The following DIRAS2 variants were observed in gnomAD, a reference collection of about 807,000 sequenced individuals.
DIRAS2 encodes the protein DIRAS family GTPase 2, also known as GTP-binding protein Di-Ras2.
Under a neutral mutation model 13.9 loss-of-function variants are expected in DIRAS2, and 5 were observed. The ratio of observed to expected loss-of-function variants is 0.36; its 90% CI spans 0.19 to 0.76. DIRAS2 has a LOEUF of 0.76. Ranked by LOEUF, DIRAS2 falls within the 30% of genes least tolerant of loss-of-function variation. DIRAS2 has a pLI of 0.53. For synonymous variants in DIRAS2, 111 were observed against 105.4 expected (o/e 1.05, Z -0.33); for missense variants, 191 against 263.0 (o/e 0.73, Z 1.89).
intron 1 of DIRAS2, among the ~76,000 whole-genome samples, chr9:90,627,797 T>G (rs543987513): frequency 6.6e-6 from 1 of 152,266 alleles, no homozygotes; most frequent in Admixed American, 6.5e-5. Flanking sequence ...TAATTGGCAG[T>G]GTTAGCTAGG....
rs77065231 is a variant in DIRAS2, at chr9:90,638,381, A to G, written c.-37+4371T>C. Among the ~76,000 whole-genome samples, 1,144 of 152,344 alleles carry G rather than the reference A, an allele frequency of 7.5e-3. 10 individuals are homozygous for G. The highest frequency in any genetic ancestry group is 0.027 in the South Asian group (128 of 4,830). ...TTTTCAAAATCTAGGTTACCCAGCC[A>G]TTTCTATTATCCAGTAGTTCTATCT... On this transcript the variant is annotated intron_variant, in intron 1 of 1. Coordinates refer to ENST00000375765, the MANE Select transcript of DIRAS2 (RefSeq NM_017594.5).
At position 90,632,705 on chromosome 9, in the gene DIRAS2, A is replaced by G. The variant is rs146931456; in HGVS notation, c.-37+10047T>C. Among the ~76,000 whole-genome samples, 98 of 152,344 alleles carry G rather than the reference A, an allele frequency of 6.4e-4. 1 individual carries two copies. Among genetic ancestry groups the G allele is most frequent in the African/African-American group, 2.1e-3 (86 of 41,580 alleles). On this transcript the variant is annotated intron_variant, in intron 1 of 1. Coordinates refer to ENST00000375765, the MANE Select transcript of DIRAS2 (RefSeq NM_017594.5). ...GGCCCATAAGAAGTGTGCAAGAAGC[A>G]TTTGTTCAGTCCATGCATGAATCTG... is the stretch of plus-strand genomic sequence containing the variant.
At chr9:90,617,508 G>A (rs1430782869) in intron 1 of DIRAS2, among the ~76,000 whole-genome samples, 1 of 152,198 alleles carries the variant, frequency 6.6e-6, no homozygotes, top group Non-Finnish European at 1.5e-5. Context: ...CTGCATTTGA[G>A]TTGCTTTAGC....
chr9:90,632,901 G>C (rs1825338319), intron 1 of DIRAS2, among the ~76,000 whole-genome samples: 1 of 152,222 alleles, frequency 6.6e-6, no homozygotes, highest in African/African-American at 2.4e-5. Flanking sequence ...CAGAACACTA[G>C]TGCAGAACAT....
At chr9:90,635,374 A>G (rs1035836170) in intron 1 of DIRAS2, among the ~76,000 whole-genome samples, 1 of 152,282 alleles carries the variant, frequency 6.6e-6, no homozygotes, top group Admixed American at 6.5e-5. Flanking sequence ...AAACTGTTGC[A>G]GAAGGAAGCC....
intron 1 of DIRAS2, among the ~76,000 whole-genome samples, chr9:90,626,441 T>TAA (rs35821705): frequency 0.012 from 1,568 of 134,966 alleles, 35 homozygotes; most frequent in African/African-American, 0.038. Context: ...CCCCATTTCT[T>TAA]AAAAAAAAAA....
Position 90,610,480 on chromosome 9 carries a change from T to C in DIRAS2, c.*2748A>G, listed in dbSNP as rs1825100968. On this transcript the variant is annotated 3_prime_UTR_variant, in exon 2 of 2. Transcript: ENST00000375765. ...GAAGGGAAGTCATGGAGCCCCATGC[T>C]CATGCCCAGAGCGCCATCTTCAAAG... The C allele has an allele frequency of 2.5e-6, 1 of 399,008 alleles. No individual in the cohort carries two copies. The highest frequency in any genetic ancestry group is 3.6e-5 in the East Asian group (1 of 28,068). The allele number at this position is 399,008 out of a possible 1,614,324, so 24.7% of individuals were successfully genotyped here. A position where few individuals can be genotyped will look rare whatever the true frequency, so the allele number is the denominator to read the frequency against.
intron 1 of DIRAS2, among the ~76,000 whole-genome samples, chr9:90,623,523 A>G (rs758394962): frequency 6.6e-6 from 1 of 152,252 alleles, no homozygotes; most frequent in Non-Finnish European, 1.5e-5. Flanking sequence ...ATATATGTCA[A>G]TAATTCAAAA....
chr9:90,613,097 T>C lies in DIRAS2; in HGVS notation c.*131A>G, dbSNP rs1190379519. The stretch of plus-strand genomic sequence containing the variant: ...GTGTGAAACGCCCTCTTAAGGACAA[T>C]AGGACGCATCTCGATTAAATGCAAT... On this transcript the variant is annotated 3_prime_UTR_variant, in exon 2 of 2. Coordinates refer to ENST00000375765, the MANE Select transcript of DIRAS2 (RefSeq NM_017594.5). This position sits in a 1 kb window ranked among gnomAD's most constrained non-coding sequence, Gnocchi z 5.6. 1.5e-6 allele frequency: 2 copies of C among 1,326,250 alleles called. No individual in the cohort carries two copies. Among genetic ancestry groups the C allele is most frequent in the East Asian group, 2.3e-5 (1 of 43,116 alleles). 82.2% of individuals were successfully genotyped at this position (1,326,250 alleles called of 1,614,324 possible).
chr9:90,617,246 G>A (rs746262824), intron 1 of DIRAS2, among the ~76,000 whole-genome samples: 6 of 152,174 alleles, frequency 3.9e-5, no homozygotes, highest in Non-Finnish European at 7.4e-5. Context: ...AAACAACAAG[G>A]AGAAAGGAGC....
rs904690104 is a variant in DIRAS2, at chr9:90,612,299, A to T, written c.*929T>A. 1 of 152,648 alleles carries T rather than the reference A, an allele frequency of 6.6e-6. No individual in the cohort carries two copies. The highest frequency in any genetic ancestry group is 1.5e-5 in the Non-Finnish European group (1 of 68,048). The allele number at this position is 152,648 out of a possible 1,614,324, so 9.5% of individuals were successfully genotyped here. On this transcript the variant is annotated 3_prime_UTR_variant, in exon 2 of 2. Coordinates refer to ENST00000375765, the MANE Select transcript of DIRAS2 (RefSeq NM_017594.5). ...TGATGGCCTTTGCTGGCTGCTACCC[A>T]GCTGGGTACAGATCGAGTTATTTAA...
At chr9:90,637,782 G>A (rs1220067052) in intron 1 of DIRAS2, among the ~76,000 whole-genome samples, 1 of 152,180 alleles carries the variant, frequency 6.6e-6, no homozygotes, top group Admixed American at 6.5e-5. Context: ...GGCTGTGCTT[G>A]AAAGATCAGC....
intron 1 of DIRAS2, among the ~76,000 whole-genome samples, chr9:90,640,477 TA>T (rs1825409091): frequency 6.6e-6 from 1 of 152,196 alleles, no homozygotes; most frequent in Non-Finnish European, 1.5e-5. Flanking sequence ...TATGAATTAG[TA>T]AATTTAACTC....
At chr9:90,629,707 T>C (rs1465726434) in intron 1 of DIRAS2, among the ~76,000 whole-genome samples, 2 of 152,240 alleles carry the variant, frequency 1.3e-5, no homozygotes, top group Non-Finnish European at 2.9e-5. Flanking sequence ...CTTTAAATCA[T>C]TTCTAGGTTA....
At chr9:90,614,231 A>G (rs1384513108) in intron 1 of DIRAS2, among the ~76,000 whole-genome samples, 1 of 151,994 alleles carries the variant, frequency 6.6e-6, no homozygotes, top group Non-Finnish European at 1.5e-5. Context: ...GCACACACAC[A>G]TCACCATCAT....
intron 1 of DIRAS2, among the ~76,000 whole-genome samples, chr9:90,618,982 T>G (rs1825194469): frequency 6.6e-6 from 1 of 151,982 alleles, no homozygotes; most frequent in Admixed American, 6.6e-5. Flanking sequence ...TCTCTAAAAA[T>G]ACAAAAATTA....
In DIRAS2 at chr9:90,642,817, C is replaced by T. The variant is rs1825430941; in HGVS notation, c.-102G>A. ...TCCACTCGCGCAGGACAGGGCAGCG[C>T]AGGGTGTGTGGATGCGGCTCCTCCC... On this transcript the variant is annotated 5_prime_UTR_variant, in exon 1 of 2. Coordinates refer to ENST00000375765, the MANE Select transcript of DIRAS2 (RefSeq NM_017594.5). 6.6e-6 allele frequency: 1 copy of T among 152,468 alleles called. No individual in the cohort carries two copies. The highest frequency in any genetic ancestry group is 1.5e-5 in the Non-Finnish European group (1 of 68,108). The allele number at this position is 152,468 out of a possible 1,614,324, so 9.4% of individuals were successfully genotyped here.
rs1226055405 is a variant in DIRAS2 at position 90,610,182 on chromosome 9, C to G, written c.*3046G>C. 2.8e-6 allele frequency: 1 copy of G among 358,650 alleles called. No homozygotes were observed. The highest frequency in any genetic ancestry group is 4.9e-6 in the Non-Finnish European group (1 of 203,424). 22.2% of individuals were successfully genotyped at this position (358,650 alleles called of 1,614,324 possible). The stretch of plus-strand genomic sequence containing the variant: ...AATTTTGGGGAAAAAAATTAAGTAT[C>G]ACAGAGCAATTTTTAAAATATTTAA... On this transcript the variant is annotated 3_prime_UTR_variant, in exon 2 of 2. Coordinates refer to ENST00000375765, the MANE Select transcript of DIRAS2 (RefSeq NM_017594.5).
intron 1 of DIRAS2, among the ~76,000 whole-genome samples, chr9:90,627,174 C>G (rs1825277723): frequency 6.6e-6 from 1 of 152,116 alleles, no homozygotes; most frequent in Admixed American, 6.5e-5. Flanking sequence ...TGTCTTCTGC[C>G]GTGATTGTAC....
Sources: allele counts gnomAD v4.1 joint callset (sites outside exome capture counted in the v4.1 genomes callset), GRCh38; gene constraint gnomAD v4.1.1; non-coding constraint Gnocchi (gnomAD v3.1); transcripts MANE v1.5; gene names NCBI Gene and HGNC (gene_info 2026-07-23, HGNC 2026-07-21).